VPS37A: variants seen among roughly 807,000 people sequenced by gnomAD.
VPS37A encodes the protein vacuolar protein sorting-associated protein 37A.
Under a neutral mutation model 49.8 loss-of-function variants are expected in VPS37A, and 30 were observed. The ratio of observed to expected loss-of-function variants is 0.60; its 90% CI spans 0.45 to 0.82. The LOEUF (loss-of-function observed/expected upper bound fraction) is 0.82. Among genes scored for constraint, VPS37A ranks in the 40% least tolerant of loss-of-function variants. The pLI, the probability that VPS37A is intolerant of heterozygous loss-of-function variation, is 0.00. For synonymous variants in VPS37A, 195 were observed against 160.6 expected, an observed-to-expected ratio of 1.21 and a Z score of -1.62; for missense variants, 593 against 464.4, an observed-to-expected ratio of 1.28 and a Z score of -2.55.
intron 1 of VPS37A, among the ~76,000 whole-genome samples, chr8:17,250,768 CA>C (rs781203223): frequency 3.3e-5 from 5 of 151,624 alleles, no homozygotes; most frequent in African/African-American, 7.3e-5. Flanking sequence ...CAGTCTTCTA[CA>C]AAAAAAATAG....
chr8:17,314,110 T>G, the VPS37A span, among the ~76,000 whole-genome samples: 6 of 152,154 alleles, frequency 3.9e-5, no homozygotes, highest in Non-Finnish European at 7.4e-5. Context: ...CCACCAACTT[T>G]CACCTCAGGA....
intron 2 of VPS37A, 91 bp downstream of exon 2, chr8:17,266,072 A>G (rs2150372385): frequency 9.0e-7 from 1 of 1,115,552 alleles, no homozygotes; most frequent in South Asian, 1.5e-5. Flanking sequence ...TTTTAAGGTG[A>G]ACTTATTTCA....
the VPS37A span, chr8:17,331,088 T>C: frequency 6.4e-7 from 1 of 1,552,382 alleles, no homozygotes; most frequent in Non-Finnish European, 8.7e-7. Context: ...GACTATCTTA[T>C]TCCCTTTTGG....
At chr8:17,264,549 A>C (rs1563251590) in intron 1 of VPS37A, among the ~76,000 whole-genome samples, 1 of 152,164 alleles carries the variant, frequency 6.6e-6, no homozygotes, top group Non-Finnish European at 1.5e-5. Context: ...CTACATCTAC[A>C]GTTTTTCTGT....
intron 1 of VPS37A, chr8:17,248,182 A>T (rs544269409): frequency 1.1e-5 from 4 of 377,114 alleles, no homozygotes; most frequent in African/African-American, 2.1e-5. Context: ...TTTATATTTT[A>T]TGCATTTTGC....
chr8:17,322,326 A>G, the VPS37A span, among the ~76,000 whole-genome samples: 1 of 152,246 alleles, frequency 6.6e-6, no homozygotes, highest in Non-Finnish European at 1.5e-5. Context: ...CATGTGTTCC[A>G]GAATACTATT....
the VPS37A span, among the ~76,000 whole-genome samples, chr8:17,317,811 G>A: frequency 6.6e-6 from 1 of 152,040 alleles, no homozygotes; most frequent in African/African-American, 2.4e-5. Context: ...TTTTTTTCTA[G>A]TCTGTGGCAT....
At chr8:17,322,935 A>T in the VPS37A span, among the ~76,000 whole-genome samples, 1 of 142,722 alleles carries the variant, frequency 7.0e-6, no homozygotes, top group African/African-American at 2.7e-5. Context: ...TCCCATCTAG[A>T]GTGGATTGAA....
the VPS37A span, among the ~76,000 whole-genome samples, chr8:17,307,775 C>T: frequency 1.3e-5 from 2 of 152,066 alleles, no homozygotes; most frequent in South Asian, 2.1e-4. Flanking sequence ...TCTCAGCAAA[C>T]TATCGCAAGG....
chr8:17,289,216 C>T (rs1168953750), intron 11 of VPS37A, among the ~76,000 whole-genome samples: 1 of 152,132 alleles, frequency 6.6e-6, no homozygotes, highest in African/African-American at 2.4e-5. Context: ...TATTAGATCT[C>T]ATTTGTCCAT....
chr8:17,332,429 T>G, the VPS37A span, among the ~76,000 whole-genome samples: 2 of 152,118 alleles, frequency 1.3e-5, no homozygotes, highest in African/African-American at 4.8e-5. Context: ...AATAGGACAA[T>G]GACAGGATAC....
chr8:17,288,457 G>A (rs548225634), intron 11 of VPS37A, among the ~76,000 whole-genome samples: 2 of 152,240 alleles, frequency 1.3e-5, no homozygotes, highest in Non-Finnish European at 2.9e-5. Flanking sequence ...ACTTATGAGT[G>A]AGAACATGCA....
At chr8:17,304,637 C>T, downstream of VPS37A, 4 of 1,001,050 alleles carry the variant, frequency 4.0e-6, no homozygotes, top group East Asian at 2.6e-5. Context: ...CGTGTCTGTT[C>T]GATAGCAGGT....
chr8:17,327,944 A>C, the VPS37A span, among the ~76,000 whole-genome samples: 1 of 152,244 alleles, frequency 6.6e-6, no homozygotes, highest in Non-Finnish European at 1.5e-5. Context: ...TTGTTGTGAA[A>C]ATCTCATACA....
chr8:17,304,497 A>C (rs774090981), downstream of VPS37A: 10 of 1,613,900 alleles, frequency 6.2e-6, no homozygotes, highest in Non-Finnish European at 8.5e-6. Context: ...TGAGCCCATA[A>C]TGAGTATGTT....
intron 1 of VPS37A, among the ~76,000 whole-genome samples, chr8:17,250,358 A>T (rs992189774): frequency 6.6e-6 from 1 of 152,218 alleles, no homozygotes. Flanking sequence ...CACTTAAAAG[A>T]TTTTTGTGCG....
chr8:17,277,861 T>TACACACACACACACACAC (rs67718316), intron 6 of VPS37A, among the ~76,000 whole-genome samples: 4 of 140,886 alleles, frequency 2.8e-5, no homozygotes, highest in African/African-American at 5.2e-5. Flanking sequence ...TTCTCTTTTA[T>TACACACACACACACACAC]ACACACACAC....
chr8:17,300,122 T>C, downstream of VPS37A: 6 of 1,614,172 alleles, frequency 3.7e-6, no homozygotes, highest in Non-Finnish European at 5.1e-6. Flanking sequence ...GTGTTGGCTA[T>C]GCTGTTGTCT....
At chr8:17,268,669 C>G (rs990948521) in intron 3 of VPS37A, among the ~76,000 whole-genome samples, 187 bp from the exon 4 acceptor site, 16 of 152,264 alleles carry the variant, frequency 1.1e-4, no homozygotes, top group African/African-American at 3.8e-4. Flanking sequence ...AACCTGTTTA[C>G]TAATCACCAG....
Sources: allele counts gnomAD v4.1 joint callset (sites outside exome capture counted in the v4.1 genomes callset), GRCh38; gene constraint gnomAD v4.1.1; transcripts MANE v1.5; gene names NCBI Gene and HGNC (gene_info 2026-07-23, HGNC 2026-07-21).